Variants in ADAMTS8 observed in about 807,000 individuals in gnomAD.
ADAMTS8 encodes ADAM metallopeptidase with thrombospondin type 1 motif 8.
A neutral mutation model predicts 64.4 loss-of-function variants in ADAMTS8; 50 were observed. The ratio of observed to expected loss-of-function variants is 0.78; its 90% CI spans 0.62 to 0.98. ADAMTS8 has a LOEUF of 0.98. Among genes scored for constraint, ADAMTS8 ranks in the 50% least tolerant of loss-of-function variants. The pLI, the probability that ADAMTS8 is intolerant of heterozygous loss-of-function variation, is 0.00. For synonymous variants in ADAMTS8, 556 were observed against 533.6 expected, an observed-to-expected ratio of 1.04 and a Z score of -0.58; for missense variants, 1,192 against 1,208.2, an observed-to-expected ratio of 0.99 and a Z score of 0.20.
chr11:130,410,683 A>G (rs1861941114), intron 6 of ADAMTS8, among the ~76,000 whole-genome samples: 1 of 152,236 alleles, frequency 6.6e-6, no homozygotes, highest in Non-Finnish European at 1.5e-5. Flanking sequence ...CACACTGGGC[A>G]GTTGGATGGG....
Position 130,414,898 on chromosome 11 carries a change from G to C in ADAMTS8, c.1265-66C>G, listed in dbSNP as rs945609340. On this transcript the variant is annotated intron_variant, in intron 4 of 8. Transcript: ENST00000257359. ...GCTGCCGCCCTCTCAGCTCTTCATG[G>C]CCTGTGATGGATGGCACTGAAGGTC... is the stretch of plus-strand genomic sequence containing the variant. The C allele has an allele frequency of 5.9e-5, 86 of 1,450,360 alleles. 1 individual carries two copies. The South Asian group carries it at 1.1e-3, about 19-fold the overall frequency. The allele number at this position is 1,450,360 out of a possible 1,614,324, so 89.8% of individuals were successfully genotyped here.
At chr11:130,421,370 C>T (rs1310135889) in intron 1 of ADAMTS8, among the ~76,000 whole-genome samples, 1 of 152,212 alleles carries the variant, frequency 6.6e-6, no homozygotes, top group South Asian at 2.1e-4. Flanking sequence ...CCCAGGGAGC[C>T]TCCTTCTCTA....
intron 1 of ADAMTS8, 115 bp downstream of exon 1, chr11:130,427,452 T>TC: frequency 4.2e-5 from 1 of 23,768 alleles, no homozygotes; most frequent in Non-Finnish European, 7.7e-5. Flanking sequence ...TGGGGAGGGC[T>TC]TTTTTTTTTT....
intron 2 of ADAMTS8, among the ~76,000 whole-genome samples, chr11:130,417,936 G>A (rs1393166010): frequency 6.7e-6 from 1 of 150,142 alleles, no homozygotes; most frequent in East Asian, 2.0e-4. Flanking sequence ...GGACGAGGCA[G>A]GTAGATTGCT....
intron 6 of ADAMTS8, among the ~76,000 whole-genome samples, chr11:130,409,197 CATT>C (rs1861923477): frequency 6.6e-6 from 1 of 152,080 alleles, no homozygotes; most frequent in Admixed American, 6.5e-5. Context: ...GAAAGAGACT[CATT>C]GTACTCTACA....
At chr11:130,412,308 G>C (rs1861962993) in intron 5 of ADAMTS8, among the ~76,000 whole-genome samples, 1 of 152,188 alleles carries the variant, frequency 6.6e-6, no homozygotes, top group African/African-American at 2.4e-5. Flanking sequence ...CCGCCTCCTG[G>C]GTTCAAATGA....
Position 130,416,450 on chromosome 11 carries a change from T to G in ADAMTS8, c.1097-120A>C, listed in dbSNP as rs1862026184. ...AGCCACCCCCTCACTCTCCGAAGAT[T>G]TCTGCGTAGGGCTTTCCCCTGCGCT... On this transcript the variant is annotated intron_variant, in intron 3 of 8. Coordinates refer to ENST00000257359, the MANE Select transcript of ADAMTS8 (RefSeq NM_007037.6). This position sits in a 1 kb window ranked among gnomAD's most constrained non-coding sequence, Gnocchi z 4.8. 8.6e-7 allele frequency: 1 copy of G among 1,163,838 alleles called. No homozygotes were observed. Among genetic ancestry groups the G allele is most frequent in the South Asian group, 1.7e-5 (1 of 60,020 alleles). The allele number at this position is 1,163,838 out of a possible 1,614,324, so 72.1% of individuals were successfully genotyped here.
At position 130,411,284 on chromosome 11, in the gene ADAMTS8, C is replaced by T; in HGVS notation, c.1750+133G>A. On this transcript the variant is annotated intron_variant, in intron 6 of 8. Coordinates refer to ENST00000257359, the MANE Select transcript of ADAMTS8 (RefSeq NM_007037.6). This position sits in a 1 kb window ranked among gnomAD's most constrained non-coding sequence, Gnocchi z 4.2. ...GCAAAACTCTACATCCCAGGAGACC[C>T]AATTTACTCCCCTCTGGGAGTAACT... The T allele has an allele frequency of 8.9e-7, 1 of 1,117,882 alleles. No homozygotes were observed. The highest frequency in any genetic ancestry group is 1.6e-5 in the South Asian group (1 of 61,920). 69.2% of individuals were successfully genotyped at this position (1,117,882 alleles called of 1,614,324 possible).
chr11:130,407,932 A>G (rs1352534024), intron 8 of ADAMTS8, among the ~76,000 whole-genome samples: 1 of 152,210 alleles, frequency 6.6e-6, no homozygotes, highest in African/African-American at 2.4e-5. Flanking sequence ...TTGGAGTTTT[A>G]TGAATGTGGG....
In ADAMTS8 at chr11:130,414,634, G is replaced by A. The variant is rs762108752; in HGVS notation, c.1463C>T (p.Thr488Met). ...HTDGAEPLCHTKNGSLPWADG... is the reference protein window; with the variant it reads ...HTDGAEPLCHMKNGSLPWADG... ...AGCCCAGGGCAGGCTGCCATTCTTC[G>A]TGTGGCACAGGGGCTCAGCCCCATC... The change falls in exon 5 of 9, where the codon ACG (threonine) becomes ATG (methionine). Residue 488 changes from threonine (T) to methionine (M), a missense_variant. By Grantham distance (81) the Thr-to-Met change is moderately conservative. Transcript: ENST00000257359. The A allele has an allele frequency of 2.2e-5, 35 of 1,613,604 alleles. No individual in the cohort carries two copies. Among genetic ancestry groups the A allele is most frequent in the East Asian group, 8.9e-5 (4 of 44,890 alleles).
At position 130,428,228 on chromosome 11, in the gene ADAMTS8, A is replaced by T. The variant is rs1357522089; in HGVS notation, c.59T>A (p.Leu20Gln). 5.4e-6 allele frequency: 5 copies of T among 932,442 alleles called. No homozygotes were observed. The highest frequency in any genetic ancestry group is 6.8e-6 in the Non-Finnish European group (5 of 730,520). 57.8% of individuals were successfully genotyped at this position (932,442 alleles called of 1,614,324 possible). A position where few individuals can be genotyped will look rare whatever the true frequency, so the allele number is the denominator to read the frequency against. ...WPPLLLLLLL[L>Q]LPLARGAPAR... ...CGGGGCGCCGCGGGCCAGCGGCAGC[A>T]GCAGCAGCAGCAGCAGCAGGAGCGG... is the stretch of plus-strand genomic sequence containing the variant. Residue 20 changes from leucine to glutamine, a missense_variant, in exon 1 of 9, where the codon CTG (leucine) becomes CAG (glutamine). Coordinates refer to ENST00000257359, the MANE Select transcript of ADAMTS8 (RefSeq NM_007037.6).
rs1057499309 is a variant in ADAMTS8, at chr11:130,416,786, C to T, written c.1096+154G>A. On this transcript the variant is annotated intron_variant, in intron 3 of 8. Transcript: ENST00000257359. This position sits in a 1 kb window ranked among gnomAD's most constrained non-coding sequence, Gnocchi z 4.8. ...CGGAGTTGTGTTCAGCACTGTCAAG[C>T]GCGGTATCTGTTTGTATACAGTCAC... is the stretch of plus-strand genomic sequence containing the variant. Among the ~76,000 whole-genome samples, 1 of 152,172 alleles carries T rather than the reference C, an allele frequency of 6.6e-6. No homozygotes were observed.
chr11:130,408,401 C>T, intron 8 of ADAMTS8, 63 bp downstream of exon 8: 3 of 1,582,976 alleles, frequency 1.9e-6, no homozygotes, highest in South Asian at 1.1e-5. Flanking sequence ...TTGGGCCTAG[C>T]AGAGTGCAAA....
chr11:130,428,054 T>A lies in ADAMTS8; in HGVS notation c.233A>T (p.Glu78Val). Residue 78 changes from glutamate (E) to valine (V), a missense_variant, in exon 1 of 9, where the codon GAG becomes GTG. Physicochemically the swap from Glu to Val is moderately radical, Grantham distance 121. Transcript: ENST00000257359. ...LAPDDSFLAP[E>V]FKIERLGGSG... is the part of the protein sequence containing the mutation. ...GCCCCCGAGGCGCTCGATCTTGAAC[T>A]CGGGCGCTAGGAAGCTGTCGTCGGG... The A allele has an allele frequency of 6.5e-7, 1 of 1,531,012 alleles. No individual in the cohort carries two copies. The highest frequency in any genetic ancestry group is 8.7e-7 in the Non-Finnish European group (1 of 1,146,440). 94.8% of individuals were successfully genotyped at this position (1,531,012 alleles called of 1,614,324 possible).
chr11:130,413,320 T>A (rs1044329864), intron 5 of ADAMTS8, among the ~76,000 whole-genome samples: 1 of 152,176 alleles, frequency 6.6e-6, no homozygotes, highest in Non-Finnish European at 1.5e-5. Flanking sequence ...GTGATGAGAA[T>A]GAACAGGGTG....
chr11:130,419,195 A>G lies in ADAMTS8; in HGVS notation c.818T>C (p.Val273Ala), dbSNP rs886850250. 1.2e-6 allele frequency: 2 copies of G among 1,614,096 alleles called. No individual in the cohort carries two copies. Among genetic ancestry groups the G allele is most frequent in the African/African-American group, 1.3e-5 (1 of 75,020 alleles). Residue 273 changes from valine (V) to alanine (A), a missense_variant, in exon 2 of 9, where the codon GTA becomes GCA. Coordinates refer to ENST00000257359, the MANE Select transcript of ADAMTS8 (RefSeq NM_007037.6). Reference protein sequence around the residue: ...INLMVVKVLIVEDEKWGPEVS... With the variant: ...INLMVVKVLIAEDEKWGPEVS... ...CTCTGGGCCCCATTTTTCATCTTCT[A>G]CGATCAGCACTTTTACCACCATCAG... is the stretch of plus-strand genomic sequence containing the variant.
chr11:130,405,354 T>G lies in ADAMTS8; in HGVS notation c.*204A>C. ...AGCAAGGTCCAGTCCACTGGACAGTTGATGATAGGGTCTGCCGCCCCATAC... is the reference window on the plus strand; with the variant it reads ...AGCAAGGTCCAGTCCACTGGACAGTGGATGATAGGGTCTGCCGCCCCATAC... On this transcript the variant is annotated 3_prime_UTR_variant, in exon 9 of 9. Transcript: ENST00000257359. 7.2e-7 allele frequency: 1 copy of G among 1,391,210 alleles called. No homozygotes were observed. The highest frequency in any genetic ancestry group is 9.3e-7 in the Non-Finnish European group (1 of 1,077,148). 86.2% of individuals were successfully genotyped at this position (1,391,210 alleles called of 1,614,324 possible). A position where few individuals can be genotyped will look rare whatever the true frequency, so the allele number is the denominator to read the frequency against.
At position 130,405,368 on chromosome 11, in the gene ADAMTS8, G is replaced by T. The variant is rs1452286592; in HGVS notation, c.*190C>A. ...CACTGGACAGTTGATGATAGGGTCT[G>T]CCGCCCCATACCCTCTCCTCTTCCC... On this transcript the variant is annotated 3_prime_UTR_variant, in exon 9 of 9. Transcript: ENST00000257359. 4.1e-5 allele frequency: 57 copies of T among 1,402,650 alleles called. No homozygotes were observed. The highest frequency in any genetic ancestry group is 4.9e-5 in the Non-Finnish European group (53 of 1,083,448). The allele number at this position is 1,402,650 out of a possible 1,614,324, so 86.9% of individuals were successfully genotyped here. A position where few individuals can be genotyped will look rare whatever the true frequency, so the allele number is the denominator to read the frequency against.
Position 130,411,308 on chromosome 11 carries a change from C to T in ADAMTS8, c.1750+109G>A, listed in dbSNP as rs1229809923. 1.2e-5 allele frequency: 16 copies of T among 1,374,968 alleles called. No homozygotes were observed. Among genetic ancestry groups the T allele is most frequent in the Non-Finnish European group, 1.6e-5 (16 of 1,003,058 alleles). 85.2% of individuals were successfully genotyped at this position (1,374,968 alleles called of 1,614,324 possible). ...CCAATTTACTCCCCTCTGGGAGTAA[C>T]TCTATATCCCGGGACACCCACTTCA... On this transcript the variant is annotated intron_variant, in intron 6 of 8. Transcript: ENST00000257359. The surrounding 1 kb of genome is among the most constrained non-coding windows in gnomAD (Gnocchi z 4.2).
Sources: allele counts gnomAD v4.1 joint callset (sites outside exome capture counted in the v4.1 genomes callset), GRCh38; gene constraint gnomAD v4.1.1; non-coding constraint Gnocchi (gnomAD v3.1); transcripts MANE v1.5; gene names NCBI Gene and HGNC (gene_info 2026-07-23, HGNC 2026-07-21).